The following ERLIN2 variants were observed in gnomAD, a reference collection of about 807,000 sequenced individuals.
The protein encoded by ERLIN2 is ER lipid raft associated 2.
A neutral mutation model predicts 41.5 loss-of-function variants in ERLIN2; 22 were observed. The observed-to-expected ratio is 0.53, with a 90% confidence interval of 0.38 to 0.76. The LOEUF (loss-of-function observed/expected upper bound fraction) is 0.76, where lower values mean the gene tolerates loss of function less well. Ranked by LOEUF, ERLIN2 falls within the 30% of genes least tolerant of loss-of-function variation. ERLIN2 has a pLI of 0.00. For missense variants in ERLIN2, 247 were observed against 414.3 expected, an observed-to-expected ratio of 0.60 and a Z score of 3.51; for synonymous variants, 149 against 150.9, an observed-to-expected ratio of 0.99 and a Z score of 0.09.
intron 9 of ERLIN2, 67 bp from the exon 10 acceptor site, chr8:37,751,559 G>A (rs903853143): frequency 1.5e-5 from 21 of 1,377,036 alleles, no homozygotes; most frequent in Admixed American, 8.6e-5. Flanking sequence ...CACTCAGCTC[G>A]GGTGAAAGGT....
chr8:37,752,915 G>T (rs1047859636), intron 10 of ERLIN2, among the ~76,000 whole-genome samples: 1 of 151,844 alleles, frequency 6.6e-6, no homozygotes, highest in African/African-American at 2.4e-5. Context: ...GGAAATAAAA[G>T]GGAATTGAAG....
At chr8:37,739,189 ACT>A (rs1331925111) in intron 2 of ERLIN2, among the ~76,000 whole-genome samples, 2 of 152,096 alleles carry the variant, frequency 1.3e-5, no homozygotes, top group Admixed American at 6.5e-5. Flanking sequence ...AAGTTCTAAA[ACT>A]CTGATTGGAA....
intron 1 of ERLIN2, 91 bp downstream of exon 1, chr8:37,736,769 A>G: frequency 3.0e-6 from 3 of 985,782 alleles, no homozygotes; most frequent in Non-Finnish European, 2.4e-6. Context: ...CCTCAGTCCC[A>G]GCAGCTTCTC....
chr8:37,747,109 T>C (rs1803076853), intron 6 of ERLIN2, among the ~76,000 whole-genome samples: 1 of 122,684 alleles, frequency 8.2e-6, no homozygotes. Context: ...CAAAAAATAG[T>C]AAAGAAAATC....
chr8:37,738,210 T>C (rs1464892763), intron 2 of ERLIN2, among the ~76,000 whole-genome samples, 181 bp downstream of exon 2: 5 of 152,190 alleles, frequency 3.3e-5, no homozygotes, highest in Non-Finnish European at 5.9e-5. Context: ...CACACACATA[T>C]ATATGTAAAT....
rs1027170202 is a variant in ERLIN2 at position 37,748,727 on chromosome 8, T to C, written c.425-832T>C. Among the ~76,000 whole-genome samples, 3 of 152,228 alleles carry C rather than the reference T, an allele frequency of 2.0e-5. 1 individual carries two copies. The highest frequency in any genetic ancestry group is 4.4e-5 in the Non-Finnish European group (3 of 68,054). ...AGCCTGATTTCACTCTGTCTTTTTC[T>C]CTAAGCCCCTCCGGGATCTTATCAA... is the stretch of plus-strand genomic sequence containing the variant. On this transcript the variant is annotated intron_variant, in intron 6 of 11. Transcript: ENST00000519638.
intron 7 of ERLIN2, 44 bp downstream of exon 7, chr8:37,749,676 G>T: frequency 1.9e-6 from 3 of 1,566,628 alleles, no homozygotes; most frequent in Non-Finnish European, 2.6e-6. Context: ...CTCTGACACT[G>T]CTTCCCTTCT....
chr8:37,752,074 C>G lies in ERLIN2; in HGVS notation c.739+359C>G, dbSNP rs375781044. The stretch of plus-strand genomic sequence containing the variant: ...TGTACTCTCAGCAGTTGGCTCTCCC[C>G]CTTGCCTTAGCTACTTCTGCTCCAA... On this transcript the variant is annotated intron_variant, in intron 10 of 11. Transcript: ENST00000519638. Among the ~76,000 whole-genome samples the G allele has an allele frequency of 2.0e-4, 31 of 152,290 alleles. No individual in the cohort carries two copies. In the South Asian group the frequency reaches 6.4e-3, roughly 32 times the overall value.
rs146769235 is a variant in ERLIN2 at position 37,751,165 on chromosome 8, G to A, written c.650-461G>A. On this transcript the variant is annotated intron_variant, in intron 9 of 11. Transcript: ENST00000519638. ...GTATTATCCTTAACCTCATTTTATC[G>A]AACCAAAGCACAGAGGGGTAAAATA... is the stretch of plus-strand genomic sequence containing the variant. 9.4e-3 allele frequency among the ~76,000 whole-genome samples: 1,429 copies of A among 152,222 alleles called. 14 individuals are homozygous for A. The highest frequency in any genetic ancestry group is 0.034 in the Middle Eastern group (10 of 294).
intron 9 of ERLIN2, among the ~76,000 whole-genome samples, chr8:37,751,292 A>C (rs1321428842): frequency 1.3e-5 from 2 of 152,262 alleles, no homozygotes; most frequent in Admixed American, 6.5e-5. Flanking sequence ...CGTATTATCA[A>C]CAACTAACCT....
chr8:37,739,330 A>T (rs1802770728), intron 2 of ERLIN2, among the ~76,000 whole-genome samples: 1 of 152,234 alleles, frequency 6.6e-6, no homozygotes, highest in Non-Finnish European at 1.5e-5. Flanking sequence ...TATTTCAATT[A>T]TTTATAAAGT....
At position 37,757,169 on chromosome 8, in the gene ERLIN2, T is replaced by C. The variant is rs928120242; in HGVS notation, c.*3054T>C. 1.3e-5 allele frequency: 2 copies of C among 152,230 alleles called. No individual in the cohort carries two copies. Among genetic ancestry groups the C allele is most frequent in the East Asian group, 1.9e-4 (1 of 5,198 alleles). The allele number at this position is 152,230 out of a possible 1,614,324, so 9.4% of individuals were successfully genotyped here. A position where few individuals can be genotyped will look rare whatever the true frequency, so the allele number is the denominator to read the frequency against. On this transcript the variant is annotated 3_prime_UTR_variant, in exon 12 of 12. Transcript: ENST00000519638. ...ATCTTTCAAACCGATACCTTTACTA[T>C]TTAAAGAGCGTAAATAGTGAAAGTA...
chr8:37,747,360 G>A (rs1398743721), intron 6 of ERLIN2: 1 of 1,354,066 alleles, frequency 7.4e-7, no homozygotes, highest in Non-Finnish European at 1.1e-6. Flanking sequence ...TGTCAATCAA[G>A]GTCCCCTTCA....
chr8:37,749,358 G>T (rs890740096), intron 6 of ERLIN2, among the ~76,000 whole-genome samples: 1 of 152,182 alleles, frequency 6.6e-6, no homozygotes, highest in South Asian at 2.1e-4. Context: ...ATGCCCTTGC[G>T]TTCACCATGT....
At chr8:37,753,345 C>T (rs1054015530) in intron 10 of ERLIN2, 105 bp from the exon 11 acceptor site, 5 of 903,732 alleles carry the variant, frequency 5.5e-6, no homozygotes, top group Admixed American at 3.9e-5. Flanking sequence ...CAATCAGGGG[C>T]GAAGTTCCAG....
intron 1 of ERLIN2, chr8:37,737,069 C>T: frequency 1.2e-6 from 1 of 815,204 alleles, no homozygotes; most frequent in Non-Finnish European, 1.5e-6. Context: ...AGGCAGAATC[C>T]ACGCCCTGCG....
chr8:37,746,574 T>C, intron 6 of ERLIN2: 1 of 936,868 alleles, frequency 1.1e-6, no homozygotes, highest in Non-Finnish European at 1.3e-6. Flanking sequence ...CTCACTATCA[T>C]TTATTAATCT....
At chr8:37,749,682 C>A in intron 7 of ERLIN2, 50 bp downstream of exon 7, 1 of 1,565,182 alleles carries the variant, frequency 6.4e-7, no homozygotes, top group Non-Finnish European at 8.8e-7. Context: ...CACTGCTTCC[C>A]TTCTCCCAAG....
rs962842488 is a variant in ERLIN2 at position 37,746,606 on chromosome 8, T to A, written c.424+1910T>A. On this transcript the variant is annotated intron_variant, in intron 6 of 11. Coordinates refer to ENST00000519638, the MANE Select transcript of ERLIN2 (RefSeq NM_007175.8). ...ATCTATAATGTATCCCTCCTATGTATCCATGCAAGGAAGCAATACTAGCTG... is the reference window on the plus strand; with the variant it reads ...ATCTATAATGTATCCCTCCTATGTAACCATGCAAGGAAGCAATACTAGCTG... 7 of 859,666 alleles carry A rather than the reference T, an allele frequency of 8.1e-6. No homozygotes were observed. The Admixed American group carries it at 3.1e-4, about 38-fold the overall frequency. The allele number at this position is 859,666 out of a possible 1,614,324, so 53.3% of individuals were successfully genotyped here.
Sources: gnomAD v4.1 joint callset for allele counts (sites outside exome capture counted in the v4.1 genomes callset) on GRCh38, gnomAD v4.1.1 for gene constraint, MANE v1.5 for transcripts, NCBI Gene and HGNC (gene_info 2026-07-23, HGNC 2026-07-21) for gene names.